The following ILDR2 variants were observed in gnomAD, a reference collection of about 807,000 sequenced individuals.
ILDR2 encodes the protein immunoglobulin-like domain-containing receptor 2.
Under a neutral mutation model 66.8 loss-of-function variants are expected in ILDR2, and 25 were observed. The observed-to-expected ratio is 0.37, with a 90% CI of 0.27 to 0.52. The LOEUF (loss-of-function observed/expected upper bound fraction) is 0.52, where lower values mean the gene tolerates loss of function less well. ILDR2 is among the 20% of genes least tolerant of loss of function. The pLI, the probability that ILDR2 is intolerant of heterozygous loss-of-function variation, is 0.88. For synonymous variants in ILDR2, 367 were observed against 357.2 expected, an observed-to-expected ratio of 1.03 and a Z score of -0.31; for missense variants, 827 against 876.8, an observed-to-expected ratio of 0.94 and a Z score of 0.72.
chr1:166,899,057 T>C (rs1659217659), intron 2 of ILDR2, among the ~76,000 whole-genome samples: 2 of 150,476 alleles, frequency 1.3e-5, no homozygotes, highest in Admixed American at 6.6e-5. Flanking sequence ...AAGACCCTTC[T>C]CTCAAAAAGC....
chr1:166,965,399 G>A (rs1207706237), intron 1 of ILDR2, among the ~76,000 whole-genome samples: 2 of 151,912 alleles, frequency 1.3e-5, no homozygotes, highest in Non-Finnish European at 2.9e-5. Flanking sequence ...CAAAGTTTGT[G>A]TACATTGAAC....
At chr1:166,907,496 T>TAATG (rs1490569188), downstream of ILDR2, among the ~76,000 whole-genome samples, 8 of 152,200 alleles carry the variant, frequency 5.3e-5, no homozygotes, top group Admixed American at 1.3e-4. Context: ...GGCCTGTTCA[T>TAATG]TTCTTTTGAG....
intron 4 of ILDR2, among the ~76,000 whole-genome samples, chr1:166,937,714 G>A (rs902193521): frequency 1.3e-5 from 2 of 152,168 alleles, no homozygotes; most frequent in African/African-American, 4.8e-5. Context: ...TTAGAGACTT[G>A]GCTACAGGAC....
intron 6 of ILDR2, among the ~76,000 whole-genome samples, chr1:166,934,815 C>T (rs1474907458): frequency 6.6e-6 from 1 of 152,240 alleles, no homozygotes; most frequent in African/African-American, 2.4e-5. Context: ...TTCACCTCCT[C>T]CCTGAAGATT....
At chr1:166,901,291 C>T (rs2235184) in intron 2 of ILDR2, among the ~76,000 whole-genome samples, 23,716 of 152,162 alleles carry the variant, frequency 0.16, 2,076 homozygotes, top group Non-Finnish European at 0.2. Context: ...AACAGATGGC[C>T]GGATCCCCAT....
rs1659962418 is a variant in ILDR2, at chr1:166,921,804, C to G, written c.1212-425G>C. Among the ~76,000 whole-genome samples, 1 of 152,156 alleles carries G rather than the reference C, an allele frequency of 6.6e-6. No homozygotes were observed. The highest frequency in any genetic ancestry group is 2.4e-5 in the African/African-American group (1 of 41,428). On this transcript the variant is annotated intron_variant, in intron 8 of 9. Coordinates refer to ENST00000271417, the MANE Select transcript of ILDR2 (RefSeq NM_199351.3). The surrounding 1 kb of genome is among the most constrained non-coding windows in gnomAD (Gnocchi z 5.3). ...CACACAGAGAGGCCTTTTCTTCCCT[C>G]AGAGCCAAGGGCCAAGTTACCTACT...
At chr1:166,963,875 C>T (rs765801382) in intron 1 of ILDR2, among the ~76,000 whole-genome samples, 11 of 152,148 alleles carry the variant, frequency 7.2e-5, no homozygotes, top group Non-Finnish European at 1.3e-4. Context: ...TAAACAAGCA[C>T]ACGCTGGTAC....
Position 166,911,607 on chromosome 1 carries a change from A to G in ILDR2, c.*7748T>C, listed in dbSNP as rs148546979. 3.3e-4 allele frequency: 50 copies of G among 152,244 alleles called. No homozygotes were observed. Among genetic ancestry groups the G allele is most frequent in the African/African-American group, 1.1e-3 (47 of 41,566 alleles). 9.4% of individuals were successfully genotyped at this position (152,244 alleles called of 1,614,324 possible). ...TGTAGATATTGGAATTACTGGATAT[A>G]AAATTTTAAGTTAGTATCTTTAAGA... On this transcript the variant is annotated 3_prime_UTR_variant, in exon 10 of 10. Coordinates refer to ENST00000271417, the MANE Select transcript of ILDR2 (RefSeq NM_199351.3).
In ILDR2 at chr1:166,923,993, C is replaced by T. The variant is rs181233439; in HGVS notation, c.995-1184G>A. On this transcript the variant is annotated intron_variant, in intron 7 of 9. Coordinates refer to ENST00000271417, the MANE Select transcript of ILDR2 (RefSeq NM_199351.3). ...TGTGGAAATATGTGTCTCAGATTCC[C>T]TCTACTTTCCCCCCTTGCTATCCCC... 1.6e-3 allele frequency among the ~76,000 whole-genome samples: 237 copies of T among 151,702 alleles called. 1 individual carries two copies. Among genetic ancestry groups the T allele is most frequent in the African/African-American group, 5.2e-3 (215 of 41,278 alleles).
Position 166,918,708 on chromosome 1 carries a change from T to C in ILDR2, c.*647A>G, listed in dbSNP as rs1659734802. 1 of 152,720 alleles carries C rather than the reference T, an allele frequency of 6.5e-6. No homozygotes were observed. Among genetic ancestry groups the C allele is most frequent in the Non-Finnish European group, 1.5e-5 (1 of 68,168 alleles). The allele number at this position is 152,720 out of a possible 1,614,324, so 9.5% of individuals were successfully genotyped here. ...ACTTAGACAGCTTTTCAAAAAGGTATACTCGCTTTTGCTTTGTCCTAGCCA... is the reference window on the plus strand; with the variant it reads ...ACTTAGACAGCTTTTCAAAAAGGTACACTCGCTTTTGCTTTGTCCTAGCCA... On this transcript the variant is annotated 3_prime_UTR_variant, in exon 10 of 10. Transcript: ENST00000271417.
At chr1:166,927,320 A>G in intron 6 of ILDR2, 140 bp from the exon 7 acceptor site, 2 of 611,278 alleles carry the variant, frequency 3.3e-6, no homozygotes, top group Non-Finnish European at 5.7e-6. Flanking sequence ...AACGATCTAT[A>G]TTTATACATA....
At chr1:166,927,511 AG>A (rs1660371422) in intron 6 of ILDR2, among the ~76,000 whole-genome samples, 1 of 152,178 alleles carries the variant, frequency 6.6e-6, no homozygotes, top group African/African-American at 2.4e-5. Flanking sequence ...GTTCCATTGG[AG>A]GAGCATATTC....
intron 3 of ILDR2, among the ~76,000 whole-genome samples, chr1:166,954,395 A>G (rs1170576735): frequency 1.3e-5 from 2 of 152,242 alleles, no homozygotes; most frequent in Non-Finnish European, 2.9e-5. Context: ...TTGTATTTGG[A>G]AAGTAAATAC....
chr1:166,968,457 CA>C (rs538025846), intron 1 of ILDR2, among the ~76,000 whole-genome samples: 1 of 152,254 alleles, frequency 6.6e-6, no homozygotes, highest in African/African-American at 2.4e-5. Flanking sequence ...CTATCTCCCC[CA>C]CTAATAAAAA....
At position 166,915,196 on chromosome 1, in the gene ILDR2, G is replaced by GA. The variant is rs1314325181; in HGVS notation, c.*4158_*4159insT. ...TCCTGACACTCCTTTCTCTCTGCCT[G>GA]TTTTCCCACTACCACTAGCGTACTC... On this transcript the variant is annotated 3_prime_UTR_variant, in exon 10 of 10. Coordinates refer to ENST00000271417, the MANE Select transcript of ILDR2 (RefSeq NM_199351.3). 6.6e-6 allele frequency: 1 copy of GA among 152,150 alleles called. No homozygotes were observed. 9.4% of individuals were successfully genotyped at this position (152,150 alleles called of 1,614,324 possible).
In ILDR2 at chr1:166,909,805, A is replaced by G. The variant is rs1275091963; in HGVS notation, c.*9550T>C. 8.3e-6 allele frequency: 1 copy of G among 120,676 alleles called. No homozygotes were observed. Among genetic ancestry groups the G allele is most frequent in the Non-Finnish European group, 1.7e-5 (1 of 59,864 alleles). The allele number at this position is 120,676 out of a possible 1,614,324, so 7.5% of individuals were successfully genotyped here. On this transcript the variant is annotated 3_prime_UTR_variant, in exon 10 of 10. Coordinates refer to ENST00000271417, the MANE Select transcript of ILDR2 (RefSeq NM_199351.3). ...TTTATATATATATATATATATATAT[A>G]TCCTTCTAGCTTTGCTCTACTGGAC...
At chr1:166,906,332 T>A (rs115260713), downstream of ILDR2, among the ~76,000 whole-genome samples, 1 of 152,182 alleles carries the variant, frequency 6.6e-6, no homozygotes, top group Non-Finnish European at 1.5e-5. Flanking sequence ...GGGCGAACAC[T>A]GCAGAGGAAG....
chr1:166,962,427 C>T (rs1662676061), intron 1 of ILDR2, among the ~76,000 whole-genome samples: 1 of 152,206 alleles, frequency 6.6e-6, no homozygotes, highest in African/African-American at 2.4e-5. Context: ...ATACCAGCCC[C>T]TTCTCCTGAG....
rs1256081439 is a variant in ILDR2 at position 166,921,272 on chromosome 1, C to A, written c.1319G>T (p.Arg440Leu). 6.3e-7 allele frequency: 1 copy of A among 1,599,882 alleles called. No individual in the cohort carries two copies. ...LAAFADSYGQRPRRADGNSHE... is the reference protein window; with the variant it reads ...LAAFADSYGQLPRRADGNSHE... ...ACTGTTGCCGTCTGCCCGGCGGGGCCGCTGGCCGTAGGAGTCAGCGAAGGC... is the reference window on the plus strand; with the variant it reads ...ACTGTTGCCGTCTGCCCGGCGGGGCAGCTGGCCGTAGGAGTCAGCGAAGGC... The change falls in exon 9 of 10, where the codon CGG (arginine) becomes CTG (leucine). Residue 440 changes from arginine (R) to leucine (L), a missense_variant. Arg to Leu is a moderately radical substitution (Grantham distance 102, BLOSUM62 -2). Around this residue, in one of 2 missense-constraint regions of ILDR2, gnomAD observed 390 missense variants for 353.6 expected, o/e 1.10. Coordinates refer to ENST00000271417, the MANE Select transcript of ILDR2 (RefSeq NM_199351.3). This position sits in a 1 kb window ranked among gnomAD's most constrained non-coding sequence, Gnocchi z 5.3.
Sources: gnomAD v4.1 joint callset for allele counts (sites outside exome capture counted in the v4.1 genomes callset) on GRCh38, gnomAD v4.1.1 for gene constraint, gnomAD v4.1.1 regional missense constraint, Gnocchi (gnomAD v3.1) non-coding constraint, MANE v1.5 for transcripts, NCBI Gene and HGNC (gene_info 2026-07-23, HGNC 2026-07-21) for gene names.